The following PCNX1 variants were observed in gnomAD, a reference collection of about 807,000 sequenced individuals.
PCNX1 encodes the protein pecanex-like protein 1.
PCNX1 carries 78 observed loss-of-function variants against 242.2 expected under a neutral mutation model. The observed-to-expected ratio is 0.32, with a 90% CI of 0.27 to 0.39. The LOEUF (loss-of-function observed/expected upper bound fraction) is 0.39. Ranked by LOEUF, PCNX1 falls within the 10% of genes least tolerant of loss-of-function variation. The pLI, the probability that PCNX1 is intolerant of heterozygous loss-of-function variation, is 1.00. For missense variants in PCNX1, 2,581 were observed against 2,856.5 expected, an observed-to-expected ratio of 0.90 and a Z score of 2.20; for synonymous variants, 1,024 against 1,032.9, an observed-to-expected ratio of 0.99 and a Z score of 0.17.
At chr14:70,911,845 G>T (rs947408501) in intron 1 of PCNX1, among the ~76,000 whole-genome samples, 1 of 152,132 alleles carries the variant, frequency 6.6e-6, no homozygotes, top group Non-Finnish European at 1.5e-5. Context: ...ATGACTGTAG[G>T]AGACTAAATA....
intron 1 of PCNX1, among the ~76,000 whole-genome samples, chr14:70,914,503 A>T (rs533095884): frequency 7.6e-4 from 115 of 152,308 alleles, no homozygotes; most frequent in African/African-American, 2.6e-3. Context: ...TCATTTGGTG[A>T]TTGGAAAACT....
intron 11 of PCNX1, among the ~76,000 whole-genome samples, chr14:71,016,528 G>A (rs960475617): frequency 7.2e-5 from 11 of 152,046 alleles, no homozygotes; most frequent in African/African-American, 2.4e-4. Flanking sequence ...ATTTTAAAAG[G>A]TCCACTATCC....
At chr14:70,941,729 G>T (rs1214945143) in intron 1 of PCNX1, among the ~76,000 whole-genome samples, 2 of 152,208 alleles carry the variant, frequency 1.3e-5, no homozygotes, top group Non-Finnish European at 2.9e-5. Context: ...GCCCCCAGAG[G>T]TGGATTCTAC....
intron 2 of PCNX1, among the ~76,000 whole-genome samples, chr14:70,957,208 C>T (rs1266146464): frequency 1.3e-5 from 2 of 152,030 alleles, no homozygotes; most frequent in African/African-American, 4.8e-5. Context: ...AGTCTGGTCT[C>T]GAACTCCTGG....
chr14:71,030,748 T>A (rs1240683264), intron 16 of PCNX1, among the ~76,000 whole-genome samples: 4 of 152,330 alleles, frequency 2.6e-5, no homozygotes, highest in East Asian at 3.9e-4. Flanking sequence ...GTGTTATTTT[T>A]AAAATTTCCC....
intron 30 of PCNX1, chr14:71,093,086 A>T (rs538911676): frequency 1.7e-4 from 26 of 152,316 alleles, no homozygotes; most frequent in African/African-American, 5.1e-4. Context: ...GACTCATTAT[A>T]CATGGTACTC....
intron 1 of PCNX1, among the ~76,000 whole-genome samples, chr14:70,912,288 G>C (rs1399354085): frequency 6.6e-6 from 1 of 152,128 alleles, no homozygotes; most frequent in Non-Finnish European, 1.5e-5. Context: ...TACGTAAGTG[G>C]TTCCCAGACT....
intron 1 of PCNX1, among the ~76,000 whole-genome samples, chr14:70,915,510 C>T (rs996663549): frequency 2.0e-5 from 3 of 152,134 alleles, no homozygotes; most frequent in Admixed American, 1.3e-4. Context: ...AGAATTCATA[C>T]TGTTTTCAAG....
chr14:71,002,736 C>T (rs554312335), intron 8 of PCNX1, among the ~76,000 whole-genome samples: 1 of 152,254 alleles, frequency 6.6e-6, no homozygotes, highest in South Asian at 2.1e-4. Context: ...TATGAGCAGG[C>T]TGTATATTGC....
At chr14:71,007,241 C>G (rs1595217022) in intron 8 of PCNX1, among the ~76,000 whole-genome samples, 1 of 150,870 alleles carries the variant, frequency 6.6e-6, no homozygotes, top group Admixed American at 6.6e-5. Flanking sequence ...GCAACTATTT[C>G]TATGTAAATT....
At chr14:70,973,433 G>T (rs552901766) in intron 5 of PCNX1, among the ~76,000 whole-genome samples, 1 of 152,130 alleles carries the variant, frequency 6.6e-6, no homozygotes, top group East Asian at 1.9e-4. Flanking sequence ...CTGCCGATAG[G>T]TCAGGTGACA....
At chr14:70,958,126 A>G (rs2058062590) in intron 2 of PCNX1, among the ~76,000 whole-genome samples, 1 of 152,230 alleles carries the variant, frequency 6.6e-6, no homozygotes, top group Non-Finnish European at 1.5e-5. Flanking sequence ...GCTTATAAAC[A>G]TGAACATGTT....
At chr14:71,075,852 C>T (rs761076302) in intron 27 of PCNX1, among the ~76,000 whole-genome samples, 7 of 151,976 alleles carry the variant, frequency 4.6e-5, no homozygotes, top group Non-Finnish European at 1.0e-4. Flanking sequence ...TGCCATCGCA[C>T]TCTAGCATGG....
chr14:70,943,693 G>A (rs138428429), intron 1 of PCNX1, among the ~76,000 whole-genome samples: 1 of 152,276 alleles, frequency 6.6e-6, no homozygotes, highest in East Asian at 1.9e-4. Context: ...CAAGACAATG[G>A]TGAAAATGTC....
At chr14:71,071,126 C>T (rs747502470) in intron 26 of PCNX1, among the ~76,000 whole-genome samples, 2 of 152,220 alleles carry the variant, frequency 1.3e-5, no homozygotes, top group Admixed American at 6.5e-5. Context: ...TTGCTTGCTT[C>T]TCAGCCTTCA....
At chr14:71,074,975 T>TTTTTC (rs1230175486) in intron 27 of PCNX1, among the ~76,000 whole-genome samples, 1 of 151,188 alleles carries the variant, frequency 6.6e-6, no homozygotes, top group Non-Finnish European at 1.5e-5. Flanking sequence ...TTCACATCGT[T>TTTTTC]TTTTCTTTTC....
At chr14:70,930,089 C>CGT (rs1566579391) in intron 1 of PCNX1, among the ~76,000 whole-genome samples, 7 of 151,508 alleles carry the variant, frequency 4.6e-5, no homozygotes, top group South Asian at 4.2e-4. Context: ...TCTTCTCATG[C>CGT]ATGTGTGTGT....
intron 8 of PCNX1, among the ~76,000 whole-genome samples, chr14:71,004,711 A>C (rs1013578696): frequency 6.6e-6 from 1 of 152,072 alleles, no homozygotes; most frequent in African/African-American, 2.4e-5. Context: ...GTCACCACTT[A>C]TGATTATAAG....
chr14:70,960,361 T>C (rs1326479117), intron 2 of PCNX1, among the ~76,000 whole-genome samples: 1 of 151,940 alleles, frequency 6.6e-6, no homozygotes, highest in Non-Finnish European at 1.5e-5. Flanking sequence ...TTTATGGTTT[T>C]AGGTCTAACG....
Sources: allele counts gnomAD v4.1 joint callset (sites outside exome capture counted in the v4.1 genomes callset), GRCh38; gene constraint gnomAD v4.1.1; transcripts MANE v1.5; gene names NCBI Gene and HGNC (gene_info 2026-07-23, HGNC 2026-07-21).